The following TRAPPC9 variants were observed in gnomAD, a reference collection of about 807,000 sequenced individuals.
TRAPPC9 encodes the protein trafficking protein particle complex subunit 9.
TRAPPC9 carries 83 observed loss-of-function variants against 124.0 expected under a neutral mutation model. The ratio of observed to expected loss-of-function variants is 0.67; its 90% CI spans 0.56 to 0.80. The LOEUF (loss-of-function observed/expected upper bound fraction) is 0.80. TRAPPC9 is among the 30% of genes least tolerant of loss of function. The pLI, the probability that TRAPPC9 is intolerant of heterozygous loss-of-function variation, is 0.00. For missense variants in TRAPPC9, 1,302 were observed against 1,508.3 expected, an observed-to-expected ratio of 0.86 and a Z score of 2.27; for synonymous variants, 638 against 617.5, an observed-to-expected ratio of 1.03 and a Z score of -0.49.
At chr8:139,829,216 T>C (rs1825820211) in intron 21 of TRAPPC9, among the ~76,000 whole-genome samples, 1 of 152,264 alleles carries the variant, frequency 6.6e-6, no homozygotes, top group Non-Finnish European at 1.5e-5. Flanking sequence ...GGGTATAAAG[T>C]CTTTGCTCTC....
chr8:139,748,721 A>T (rs1286316481), intron 21 of TRAPPC9, among the ~76,000 whole-genome samples: 1 of 152,020 alleles, frequency 6.6e-6, no homozygotes, highest in Non-Finnish European at 1.5e-5. Flanking sequence ...CTTCCCTCCC[A>T]GGGACCTCTG....
chr8:140,039,270 G>A (rs866852551), intron 17 of TRAPPC9, among the ~76,000 whole-genome samples: 2 of 152,196 alleles, frequency 1.3e-5, no homozygotes, highest in South Asian at 2.1e-4. Context: ...AAATGGTAGA[G>A]ATGCAATTAT....
chr8:140,344,683 T>C lies in TRAPPC9; in HGVS notation c.1495+15367A>G, dbSNP rs182756793. On this transcript the variant is annotated intron_variant, in intron 9 of 22. Transcript: ENST00000438773. ...TCCCGGACAAGAGCCAGAAATCAAG[T>C]TTGTTTTCTCAGAGACACAGAAACA... 9.2e-5 allele frequency among the ~76,000 whole-genome samples: 14 copies of C among 152,346 alleles called. No homozygotes were observed. In the East Asian group the frequency reaches 2.7e-3, roughly 29 times the overall value.
chr8:139,921,231 A>C (rs947466050), intron 19 of TRAPPC9, among the ~76,000 whole-genome samples: 1 of 152,252 alleles, frequency 6.6e-6, no homozygotes, highest in African/African-American at 2.4e-5. Context: ...GCAGGCAGTC[A>C]TCACATCACG....
At chr8:139,980,563 C>G (rs761199169) in intron 19 of TRAPPC9, among the ~76,000 whole-genome samples, 2 of 152,246 alleles carry the variant, frequency 1.3e-5, no homozygotes, top group Non-Finnish European at 2.9e-5. Flanking sequence ...GCACCATCAC[C>G]AACGGCTGGC....
intron 22 of TRAPPC9, 43 bp downstream of exon 22, chr8:139,731,936 C>T (rs1208836832): frequency 1.3e-6 from 2 of 1,536,480 alleles, no homozygotes; most frequent in African/African-American, 1.4e-5. Flanking sequence ...ATGATGACCA[C>T]ATGGCCAGAG....
At chr8:140,135,158 G>A (rs1341542057) in intron 17 of TRAPPC9, among the ~76,000 whole-genome samples, 5 of 152,262 alleles carry the variant, frequency 3.3e-5, no homozygotes, top group Non-Finnish European at 5.9e-5. Flanking sequence ...TAGAGAAACA[G>A]AAAATAACAA....
At position 140,216,423 on chromosome 8, in the gene TRAPPC9, C is replaced by T. The variant is rs897399436; in HGVS notation, c.2556+5036G>A. On this transcript the variant is annotated intron_variant, in intron 17 of 22. Coordinates refer to ENST00000438773, the MANE Select transcript of TRAPPC9 (RefSeq NM_001160372.4). This position sits in a 1 kb window ranked among gnomAD's most constrained non-coding sequence, Gnocchi z 4.1. ...ACCCAACCAAGTGTGAAGAGCATCT[C>T]CTAGATTTTGAAATGTTACCCTAAA... 5.9e-5 allele frequency among the ~76,000 whole-genome samples: 9 copies of T among 152,164 alleles called. No homozygotes were observed. Among genetic ancestry groups the T allele is most frequent in the Admixed American group, 2.6e-4 (4 of 15,284 alleles).
At position 140,229,251 on chromosome 8, in the gene TRAPPC9, C is replaced by CTTTTTTTT. The variant is rs528175891; in HGVS notation, c.2432-7676_2432-7669dup. On this transcript the variant is annotated intron_variant, in intron 16 of 22. Transcript: ENST00000438773. ...AGTCAATTCCGTATGTTTTCTTTTT[C>CTTTTTTTT]TTTTTTTTTTTTTTTTTTTTTTTTT... Among the ~76,000 whole-genome samples, 220 of 99,788 alleles carry CTTTTTTTT rather than the reference C, an allele frequency of 2.2e-3. 14 individuals carry two copies. The highest frequency in any genetic ancestry group is 8.5e-3 in the African/African-American group (184 of 21,716). 65.5% of individuals were successfully genotyped at this position (99,788 alleles called of 152,430 possible).
chr8:139,897,364 G>A lies in TRAPPC9; in HGVS notation c.2965-11395C>T, dbSNP rs561048039. On this transcript the variant is annotated intron_variant, in intron 20 of 22. Coordinates refer to ENST00000438773, the MANE Select transcript of TRAPPC9 (RefSeq NM_001160372.4). ...CTGCTCAAACCAGCAAGATGAATGA[G>A]GAGGCAGCCCCACCTTCCCAACTGC... 5.9e-5 allele frequency among the ~76,000 whole-genome samples: 9 copies of A among 152,334 alleles called. No individual in the cohort carries two copies. In the South Asian group the frequency reaches 1.9e-3, roughly 32 times the overall value.
At chr8:139,918,881 T>C (rs777019489) in intron 19 of TRAPPC9, among the ~76,000 whole-genome samples, 6 of 152,188 alleles carry the variant, frequency 3.9e-5, no homozygotes, top group Non-Finnish European at 8.8e-5. Flanking sequence ...TCATTTTAAA[T>C]TGATTTCTTT....
At chr8:140,115,269 G>GT (rs375087383) in intron 17 of TRAPPC9, among the ~76,000 whole-genome samples, 16,162 of 150,466 alleles carry the variant, frequency 0.11, 1,198 homozygotes, top group African/African-American at 0.21. Context: ...TTGTTATAAT[G>GT]GTTTTTTTTT....
intron 7 of TRAPPC9, among the ~76,000 whole-genome samples, chr8:140,382,677 G>A (rs1454741838): frequency 6.6e-6 from 1 of 152,154 alleles, no homozygotes; most frequent in Non-Finnish European, 1.5e-5. Context: ...TGAACTGGGT[G>A]GAGCCCAACA....
intron 17 of TRAPPC9, among the ~76,000 whole-genome samples, chr8:140,036,223 T>TAA (rs10707510): frequency 6.9e-6 from 1 of 145,670 alleles, no homozygotes; most frequent in African/African-American, 2.6e-5. Context: ...ACGACTTCTT[T>TAA]AAAAAAAAAA....
chr8:139,775,579 C>T (rs940360266), intron 21 of TRAPPC9, among the ~76,000 whole-genome samples: 3 of 152,186 alleles, frequency 2.0e-5, no homozygotes, highest in Non-Finnish European at 2.9e-5. Context: ...GGGGGCACGG[C>T]GGCAGCCCAG....
chr8:140,269,886 G>A (rs55820586), intron 15 of TRAPPC9, among the ~76,000 whole-genome samples: 7,426 of 152,180 alleles, frequency 0.049, 293 homozygotes, highest in African/African-American at 0.1. Flanking sequence ...ATCACTTGAG[G>A]TCAGGAGTTC....
chr8:140,423,394 C>T (rs78559770), intron 5 of TRAPPC9, among the ~76,000 whole-genome samples: 18,615 of 151,902 alleles, frequency 0.12, 2,043 homozygotes, highest in East Asian at 0.55. Context: ...GAGCCAAGAC[C>T]GCACCATTGC....
chr8:140,260,933 A>G (rs1466788737), intron 15 of TRAPPC9, among the ~76,000 whole-genome samples: 1 of 152,200 alleles, frequency 6.6e-6, no homozygotes, highest in Non-Finnish European at 1.5e-5. Flanking sequence ...CTTTGAAAAG[A>G]TATGGCAGAA....
chr8:140,275,633 G>T, intron 15 of TRAPPC9, 25 bp downstream of exon 15: 1 of 1,611,434 alleles, frequency 6.2e-7, no homozygotes, highest in South Asian at 1.1e-5. Context: ...ACATTCCCAG[G>T]GTCAAAGCTG....
Sources: allele counts gnomAD v4.1 joint callset (sites outside exome capture counted in the v4.1 genomes callset), GRCh38; gene constraint gnomAD v4.1.1; non-coding constraint Gnocchi (gnomAD v3.1); transcripts MANE v1.5; gene names NCBI Gene and HGNC (gene_info 2026-07-23, HGNC 2026-07-21).